Variants in MEGF11 observed in about 807,000 individuals in gnomAD.
The protein encoded by MEGF11 is multiple EGF like domains 11.
In MEGF11, 126 loss-of-function variants were observed where a neutral mutation model predicts 146.6. The observed-to-expected ratio is 0.86, with a 90% CI of 0.74 to 1.00. The LOEUF (loss-of-function observed/expected upper bound fraction) is 1.00. Among genes scored for constraint, MEGF11 ranks in the 50% least tolerant of loss-of-function variants. The pLI is 0.00. For synonymous variants in MEGF11, 532 were observed against 583.4 expected (o/e 0.91, Z 1.27); for missense variants, 1,509 against 1,521.2 (o/e 0.99, Z 0.13).
At chr15:66,045,388 G>GCTGC (rs1350048262) in intron 5 of MEGF11, among the ~76,000 whole-genome samples, 1 of 152,300 alleles carries the variant, frequency 6.6e-6, no homozygotes, top group African/African-American at 2.4e-5. Context: ...GGAGTCTGCT[G>GCTGC]CTGCCTGCCT....
chr15:65,922,239 A>G (rs951155279), intron 15 of MEGF11, 99 bp downstream of exon 15: 22 of 1,445,406 alleles, frequency 1.5e-5, no homozygotes, highest in Non-Finnish European at 2.1e-5. Context: ...AGCTACCTCC[A>G]TAGCGTATGA....
At chr15:66,062,394 G>C (rs1372727228) in intron 5 of MEGF11, among the ~76,000 whole-genome samples, 1 of 152,214 alleles carries the variant, frequency 6.6e-6, no homozygotes, top group Non-Finnish European at 1.5e-5. Flanking sequence ...GTTGTAAAAG[G>C]CCAGTGGAGA....
intron 5 of MEGF11, among the ~76,000 whole-genome samples, chr15:66,029,921 A>G (rs934035130): frequency 2.0e-5 from 3 of 152,066 alleles, no homozygotes; most frequent in African/African-American, 7.2e-5. Flanking sequence ...TTAATCAAGT[A>G]TTCCTCCCTG....
chr15:66,215,161 C>T lies in MEGF11; in HGVS notation c.-9+38444G>A, dbSNP rs976787333. Among the ~76,000 whole-genome samples the T allele has an allele frequency of 2.6e-5, 4 of 152,166 alleles. No individual in the cohort carries two copies. In the East Asian group the frequency reaches 7.7e-4, roughly 29 times the overall value. On this transcript the variant is annotated intron_variant, in intron 1 of 25. Coordinates refer to ENST00000395614, the MANE Select transcript of MEGF11 (RefSeq NM_001385028.1). ...CTTAATCTGAGTTCTAGTCTCAGTG[C>T]GTTTTCACTTTTTATCTGCTGGGCT...
chr15:65,952,974 G>A (rs1226710100), intron 10 of MEGF11, among the ~76,000 whole-genome samples: 1 of 152,132 alleles, frequency 6.6e-6, no homozygotes, highest in Non-Finnish European at 1.5e-5. Context: ...TTGTCCACTC[G>A]TACAGTGCCC....
At chr15:65,916,651 C>T (rs1372434140) in intron 17 of MEGF11, 177 bp downstream of exon 17, 3 of 1,134,184 alleles carry the variant, frequency 2.6e-6, no homozygotes, top group Non-Finnish European at 3.8e-6. Context: ...TGAATCCAGT[C>T]AGGTCTGGAG....
At chr15:66,122,973 C>T (rs539470080) in intron 3 of MEGF11, among the ~76,000 whole-genome samples, 32 of 152,076 alleles carry the variant, frequency 2.1e-4, no homozygotes, top group African/African-American at 5.1e-4. Flanking sequence ...TTAGTAGAGA[C>T]GGGGTTTCAC....
chr15:66,160,265 C>CTCTCTCTCTCTCTT (rs2089905271), intron 1 of MEGF11, among the ~76,000 whole-genome samples: 1 of 151,938 alleles, frequency 6.6e-6, no homozygotes, highest in African/African-American at 2.4e-5. Flanking sequence ...CTCTCTCTCT[C>CTCTCTCTCTCTCTT]TCTCTCTCTC....
intron 15 of MEGF11, among the ~76,000 whole-genome samples, chr15:65,920,887 A>G (rs916693640): frequency 4.6e-5 from 7 of 152,254 alleles, no homozygotes; most frequent in Non-Finnish European, 1.0e-4. Context: ...ACAACGCAGC[A>G]TCTGAGAGTT....
chr15:66,042,328 T>C (rs1440585501), intron 5 of MEGF11, among the ~76,000 whole-genome samples: 2 of 152,086 alleles, frequency 1.3e-5, no homozygotes, highest in African/African-American at 4.8e-5. Context: ...CAGGCTAGTC[T>C]CGAACTCCTG....
rs769808852 is a variant in MEGF11 at position 66,025,316 on chromosome 15, T to TG, written c.395-42829dup. Among the ~76,000 whole-genome samples the TG allele has an allele frequency of 3.8e-4, 57 of 151,780 alleles. 2 individuals are homozygous for TG. The highest frequency in any genetic ancestry group is 3.4e-3 in the Middle Eastern group (1 of 294). On this transcript the variant is annotated intron_variant, in intron 5 of 25. Transcript: ENST00000395614. The stretch of plus-strand genomic sequence containing the variant: ...GGCTGGTCCCAGGCTGATTCCTGAG[T>TG]GGGGGGGCTCCTCGTGGTCCACTCC...
intron 5 of MEGF11, among the ~76,000 whole-genome samples, chr15:66,032,046 G>A (rs537933228): frequency 6.6e-6 from 1 of 152,190 alleles, no homozygotes; most frequent in African/African-American, 2.4e-5. Flanking sequence ...GAGGGATCTA[G>A]GTTGCAAGCT....
chr15:66,071,258 G>A (rs1160591396), intron 5 of MEGF11, among the ~76,000 whole-genome samples: 1 of 152,154 alleles, frequency 6.6e-6, no homozygotes, highest in Non-Finnish European at 1.5e-5. Flanking sequence ...TACGTTCCTT[G>A]AGGGGAAGAG....
At chr15:66,251,979 G>C (rs1238506360) in intron 1 of MEGF11, among the ~76,000 whole-genome samples, 2 of 152,234 alleles carry the variant, frequency 1.3e-5, no homozygotes, top group East Asian at 3.9e-4. Flanking sequence ...CCAGTCTGCA[G>C]GGAGTGACGG....
Position 65,928,491 on chromosome 15 carries a change from C to T in MEGF11, c.1609G>A (p.Asp537Asn). The change falls in exon 13 of 26, where the codon GAC becomes AAC. Residue 537 changes from aspartate to asparagine, a missense_variant. Coordinates refer to ENST00000395614, the MANE Select transcript of MEGF11 (RefSeq NM_001385028.1). ...TFGLNCSEHCDCSHADGCDPV... is the reference protein window; with the variant it reads ...TFGLNCSEHCNCSHADGCDPV... ...TCACATCCATCAGCATGGCTGCAGT[C>T]ACAGTGTTCACTGCAGTTCAGCCCA... 2 of 1,606,432 alleles carry T rather than the reference C, an allele frequency of 1.2e-6. No homozygotes were observed. The highest frequency in any genetic ancestry group is 1.1e-5 in the South Asian group (1 of 89,346).
At chr15:66,187,194 G>A (rs1434832440) in intron 1 of MEGF11, among the ~76,000 whole-genome samples, 1 of 152,210 alleles carries the variant, frequency 6.6e-6, no homozygotes, top group Admixed American at 6.5e-5. Context: ...GGTTACAAAG[G>A]ACTTTCCTGG....
intron 5 of MEGF11, among the ~76,000 whole-genome samples, chr15:66,074,106 C>G (rs2085478386): frequency 6.6e-6 from 1 of 152,180 alleles, no homozygotes; most frequent in African/African-American, 2.4e-5. Flanking sequence ...GGGTATCCCT[C>G]CCTAGCCCAT....
At chr15:65,909,357 C>T (rs1483160285) in intron 22 of MEGF11, among the ~76,000 whole-genome samples, 1 of 151,948 alleles carries the variant, frequency 6.6e-6, no homozygotes, top group East Asian at 1.9e-4. Context: ...TCCCTCCCTC[C>T]CTCCCTCTGC....
intron 4 of MEGF11, among the ~76,000 whole-genome samples, chr15:66,116,787 C>T (rs897287280): frequency 2.6e-5 from 4 of 152,200 alleles, no homozygotes; most frequent in Admixed American, 6.5e-5. Flanking sequence ...GAGGAGGGAA[C>T]TGACATTTAC....
Sources: allele counts gnomAD v4.1 joint callset (sites outside exome capture counted in the v4.1 genomes callset), GRCh38; gene constraint gnomAD v4.1.1; transcripts MANE v1.5; gene names NCBI Gene and HGNC (gene_info 2026-07-23, HGNC 2026-07-21).